Variants in WWOX observed in about 807,000 individuals in gnomAD.
WWOX encodes WW domain containing oxidoreductase, also known as WW domain-containing oxidoreductase.
A neutral mutation model predicts 46.2 loss-of-function variants in WWOX; 69 were observed. The observed-to-expected ratio is 1.49, with a 90% CI of 1.23 to 1.82. WWOX has a LOEUF of 1.82. Ranked by LOEUF, WWOX falls within the 40% of genes most tolerant of loss-of-function variation. The pLI is 0.00. For missense variants in WWOX, 919 were observed against 542.6 expected (o/e 1.69, Z -6.89); for synonymous variants, 359 against 202.6 (o/e 1.77, Z -6.56).
chr16:78,915,620 G>C (rs978056068), intron 8 of WWOX, among the ~76,000 whole-genome samples: 9 of 152,100 alleles, frequency 5.9e-5, no homozygotes. Context: ...ATAACAGACA[G>C]TGTTATCAGT....
chr16:78,260,529 A>T (rs1026036333), intron 5 of WWOX, among the ~76,000 whole-genome samples: 1 of 151,390 alleles, frequency 6.6e-6, no homozygotes, highest in African/African-American at 2.4e-5. Context: ...TTAGCTGGGC[A>T]TGGTGGCAGG....
chr16:79,055,462 G>T (rs1027110851), intron 8 of WWOX, among the ~76,000 whole-genome samples: 1 of 152,134 alleles, frequency 6.6e-6, no homozygotes, highest in Non-Finnish European at 1.5e-5. Context: ...AGGAAGCCCA[G>T]CTAGCCATGT....
At chr16:78,995,386 G>A (rs748077112) in intron 8 of WWOX, among the ~76,000 whole-genome samples, 18 of 152,040 alleles carry the variant, frequency 1.2e-4, no homozygotes, top group Non-Finnish European at 2.1e-4. Flanking sequence ...TTTGGGGTAG[G>A]ACATGGAATG....
intron 8 of WWOX, among the ~76,000 whole-genome samples, chr16:78,678,288 A>G (rs981678342): frequency 7.2e-5 from 11 of 152,170 alleles, no homozygotes; most frequent in Non-Finnish European, 1.2e-4. Context: ...AGACAGGAGG[A>G]TCGCTTGAGC....
chr16:78,625,873 T>C (rs1247145255), intron 8 of WWOX, among the ~76,000 whole-genome samples: 2 of 150,022 alleles, frequency 1.3e-5, no homozygotes, highest in Non-Finnish European at 3.0e-5. Flanking sequence ...TACTTAAAAG[T>C]TTTTAAGTAA....
In WWOX at chr16:78,992,525, G is replaced by A. The variant is rs960093407; in HGVS notation, c.1057-219083G>A. On this transcript the variant is annotated intron_variant, in intron 8 of 8. Coordinates refer to ENST00000566780, the MANE Select transcript of WWOX (RefSeq NM_016373.4). ...CCAGTGAGCTCATTTTACGTTGTAT[G>A]TACCAGTATGCAAGTGTTGTATGGA... 1.2e-4 allele frequency among the ~76,000 whole-genome samples: 18 copies of A among 152,252 alleles called. No individual in the cohort carries two copies. In the East Asian group the frequency reaches 2.9e-3, roughly 24 times the overall value.
intron 8 of WWOX, among the ~76,000 whole-genome samples, chr16:78,510,508 G>A (rs764226163): frequency 1.3e-4 from 20 of 151,920 alleles, no homozygotes; most frequent in African/African-American, 4.8e-5. Context: ...CCACCGTGCC[G>A]GCCACTTTCA....
At chr16:79,158,605 T>C (rs191073337) in intron 8 of WWOX, among the ~76,000 whole-genome samples, 1 of 152,334 alleles carries the variant, frequency 6.6e-6, no homozygotes, top group Admixed American at 6.5e-5. Context: ...ACACACCAAG[T>C]TCCTGCATTC....
chr16:78,891,875 A>C (rs1047707775), intron 8 of WWOX: 4 of 152,184 alleles, frequency 2.6e-5, no homozygotes, highest in African/African-American at 9.6e-5. Context: ...TACTTCATCA[A>C]CTCTAACAAA....
chr16:78,371,432 T>C (rs767163119), intron 5 of WWOX, among the ~76,000 whole-genome samples: 1 of 152,214 alleles, frequency 6.6e-6, no homozygotes, highest in East Asian at 1.9e-4. Context: ...ATGAAAAGAA[T>C]CCATATTTTT....
chr16:79,021,985 A>T (rs1463403456), intron 8 of WWOX, among the ~76,000 whole-genome samples: 1 of 152,194 alleles, frequency 6.6e-6, no homozygotes, highest in Non-Finnish European at 1.5e-5. Context: ...GGCACATAGT[A>T]AGTGCTGGAT....
intron 8 of WWOX, among the ~76,000 whole-genome samples, chr16:78,548,451 C>G (rs765995158): frequency 2.0e-5 from 3 of 152,058 alleles, no homozygotes; most frequent in Admixed American, 1.3e-4. Flanking sequence ...TAAAGACATC[C>G]TATCCCTGAA....
intron 8 of WWOX, among the ~76,000 whole-genome samples, chr16:78,473,516 G>A (rs1179529522): frequency 6.6e-6 from 1 of 152,164 alleles, no homozygotes; most frequent in Non-Finnish European, 1.5e-5. Flanking sequence ...TTGACCGACT[G>A]GCCCTCTCAG....
intron 5 of WWOX, among the ~76,000 whole-genome samples, chr16:78,269,504 CAG>C (rs1396948003): frequency 1.3e-5 from 2 of 152,154 alleles, no homozygotes; most frequent in Non-Finnish European, 2.9e-5. Flanking sequence ...AGTTATGACA[CAG>C]GGAGCGAAAT....
chr16:78,938,065 C>T (rs540178046), intron 8 of WWOX, among the ~76,000 whole-genome samples: 60 of 152,308 alleles, frequency 3.9e-4, no homozygotes, highest in Non-Finnish European at 2.9e-4. Context: ...CAAGTCTGGG[C>T]AGCCAGCAGC....
chr16:78,139,289 G>T, intron 4 of WWOX, among the ~76,000 whole-genome samples: 1 of 152,188 alleles, frequency 6.6e-6, no homozygotes, highest in East Asian at 1.9e-4. Context: ...TAACTGATTA[G>T]AATTGTCGGG....
chr16:78,736,984 A>G (rs888472154), intron 8 of WWOX, among the ~76,000 whole-genome samples: 5 of 152,142 alleles, frequency 3.3e-5, no homozygotes, highest in African/African-American at 1.2e-4. Flanking sequence ...ACAGATTCCA[A>G]TAAAGAGACT....
At chr16:79,104,141 A>G (rs1422108018) in intron 8 of WWOX, among the ~76,000 whole-genome samples, 1 of 152,122 alleles carries the variant, frequency 6.6e-6, no homozygotes, top group Non-Finnish European at 1.5e-5. Context: ...CTGGAATCAA[A>G]AAGATTCACA....
At chr16:78,283,174 G>T (rs1326577659) in intron 5 of WWOX, among the ~76,000 whole-genome samples, 1 of 151,952 alleles carries the variant, frequency 6.6e-6, no homozygotes, top group Non-Finnish European at 1.5e-5. Context: ...GAGAATCTGG[G>T]TTGAGGAGGC....
Sources: gnomAD v4.1 joint callset for allele counts (sites outside exome capture counted in the v4.1 genomes callset) on GRCh38, gnomAD v4.1.1 for gene constraint, MANE v1.5 for transcripts, NCBI Gene and HGNC (gene_info 2026-07-23, HGNC 2026-07-21) for gene names.